Variants in MLXIPL observed in about 807,000 individuals in gnomAD.
The protein encoded by MLXIPL is carbohydrate-responsive element-binding protein.
A neutral mutation model predicts 81.5 loss-of-function variants in MLXIPL; 49 were observed. The observed-to-expected ratio is 0.60, with a 90% confidence interval of 0.48 to 0.76. MLXIPL has a LOEUF of 0.76. Among genes scored for constraint, MLXIPL ranks in the 30% least tolerant of loss-of-function variants. The pLI, the probability that MLXIPL is intolerant of heterozygous loss-of-function variation, is 0.00. For synonymous variants in MLXIPL, 466 were observed against 485.5 expected (o/e 0.96, Z 0.53); for missense variants, 1,053 against 1,167.0 (o/e 0.90, Z 1.42).
At chr7:73,630,107 C>G in the MLXIPL span, among the ~76,000 whole-genome samples, 1 of 151,724 alleles carries the variant, frequency 6.6e-6, no homozygotes, top group Non-Finnish European at 1.5e-5. Flanking sequence ...ACGCCATTCT[C>G]CTGCCTCAGC....
the MLXIPL span, among the ~76,000 whole-genome samples, chr7:73,640,173 G>A: frequency 6.6e-6 from 1 of 151,772 alleles, no homozygotes; most frequent in South Asian, 2.1e-4. Context: ...GGGAGGTGGA[G>A]GCAGAGTGAT....
chr7:73,607,161 AG>A, intron 4 of MLXIPL, 143 bp from the exon 5 acceptor site: 2 of 1,287,454 alleles, frequency 1.6e-6, no homozygotes, highest in Non-Finnish European at 2.2e-6. Flanking sequence ...GGAGGCCGCT[AG>A]GAGACGCTGT....
intron 8 of MLXIPL, among the ~76,000 whole-genome samples, chr7:73,598,092 A>C (rs1375188664): frequency 6.6e-6 from 1 of 151,802 alleles, no homozygotes; most frequent in African/African-American, 2.4e-5. Flanking sequence ...TTGTCCACTG[A>C]TCCATCCACC....
At chr7:73,626,944 C>A (rs1360306391), upstream of MLXIPL, among the ~76,000 whole-genome samples, 1 of 152,178 alleles carries the variant, frequency 6.6e-6, no homozygotes, top group Non-Finnish European at 1.5e-5. Context: ...CCTAGGATCA[C>A]AATGGCAGTG....
the MLXIPL span, among the ~76,000 whole-genome samples, chr7:73,638,608 AG>A: frequency 6.6e-6 from 1 of 151,692 alleles, no homozygotes; most frequent in South Asian, 2.1e-4. Context: ...TTCCCAACCC[AG>A]TACTTTTGTT....
the MLXIPL span, among the ~76,000 whole-genome samples, chr7:73,645,725 A>C: frequency 5.9e-5 from 9 of 152,104 alleles, no homozygotes; most frequent in Non-Finnish European, 1.3e-4. Context: ...AGCCCGGAGG[A>C]GGACAGGGCT....
chr7:73,605,172 C>A (rs1036868705), intron 7 of MLXIPL, among the ~76,000 whole-genome samples: 4 of 152,344 alleles, frequency 2.6e-5, no homozygotes, highest in Non-Finnish European at 5.9e-5. Context: ...TTCTTGGGAG[C>A]CCCTGGTTCC....
chr7:73,616,016 G>A, intron 2 of MLXIPL, 55 bp downstream of exon 2: 1 of 1,462,092 alleles, frequency 6.8e-7, no homozygotes, highest in East Asian at 2.3e-5. Context: ...CCTCTGGCAG[G>A]AGGGTTGGAG....
chr7:73,625,972 G>T (rs562074130), upstream of MLXIPL, among the ~76,000 whole-genome samples: 3 of 152,046 alleles, frequency 2.0e-5, no homozygotes, highest in African/African-American at 7.2e-5. Context: ...TTTTGTTCCT[G>T]CTTCTTTGTA....
chr7:73,594,117 G>C, intron 16 of MLXIPL, 134 bp from the exon 17 acceptor site: 1 of 1,383,400 alleles, frequency 7.2e-7, no homozygotes, highest in Non-Finnish European at 1.0e-6. Context: ...TCTGTCTACA[G>C]GCGTCTGGTG....
chr7:73,638,339 C>T, the MLXIPL span, among the ~76,000 whole-genome samples: 1 of 151,686 alleles, frequency 6.6e-6, no homozygotes, highest in Non-Finnish European at 1.5e-5. Context: ...GAATCTCACT[C>T]TGTCACCCAG....
chr7:73,645,168 A>G, the MLXIPL span, among the ~76,000 whole-genome samples: 1 of 152,100 alleles, frequency 6.6e-6, no homozygotes, highest in Non-Finnish European at 1.5e-5. Context: ...CTATGACTAT[A>G]TGCCTGTGCC....
chr7:73,637,890 G>T, the MLXIPL span, among the ~76,000 whole-genome samples: 2 of 152,208 alleles, frequency 1.3e-5, no homozygotes, highest in African/African-American at 4.8e-5. Flanking sequence ...GTCAGTGGGG[G>T]ATTCCCAAAT....
At chr7:73,646,721 C>T in the MLXIPL span, among the ~76,000 whole-genome samples, 1 of 152,156 alleles carries the variant, frequency 6.6e-6, no homozygotes, top group Non-Finnish European at 1.5e-5. Context: ...GCTGAGCTTC[C>T]CTGGGGCGGA....
At chr7:73,634,471 A>C in the MLXIPL span, among the ~76,000 whole-genome samples, 2 of 152,098 alleles carry the variant, frequency 1.3e-5, no homozygotes, top group Admixed American at 1.3e-4. Context: ...GGCTCACTGC[A>C]ACTGCCACCT....
chr7:73,646,167 C>A, the MLXIPL span, among the ~76,000 whole-genome samples: 1 of 152,178 alleles, frequency 6.6e-6, no homozygotes, highest in South Asian at 2.1e-4. Flanking sequence ...TTGCATTTAG[C>A]CACCACAGGG....
In MLXIPL at chr7:73,596,910, C is replaced by T. The variant is rs1303472871; in HGVS notation, c.1626G>A (p.Glu542=). ...GGAGGGTGCTGGATACAAGTGGTGG[C>T]TCCAGGGCTTGCTCCGGCTTAGCTG... ...LTAAKPEQAL[E]PPLVSSTLLR... is the part of the protein sequence containing the mutation. Residue 542 remains glutamate (E), a synonymous_variant, in exon 10 of 17, where the codon GAG becomes GAA. Transcript: ENST00000313375. This position sits in a 1 kb window ranked among gnomAD's most constrained non-coding sequence, Gnocchi z 4.7. 14 of 1,610,478 alleles carry T rather than the reference C, an allele frequency of 8.7e-6. No individual in the cohort carries two copies. The highest frequency in any genetic ancestry group is 1.1e-5 in the Non-Finnish European group (13 of 1,179,648).
At chr7:73,630,353 C>T in the MLXIPL span, among the ~76,000 whole-genome samples, 3 of 128,386 alleles carry the variant, frequency 2.3e-5, no homozygotes, top group Non-Finnish European at 4.6e-5. Flanking sequence ...AATGCAGTGG[C>T]ATGATCTTGG....
In MLXIPL at chr7:73,596,363, C is replaced by A; in HGVS notation, c.1938+1G>T. The A allele has an allele frequency of 6.2e-7, 1 of 1,612,934 alleles. No individual in the cohort carries two copies. Among genetic ancestry groups the A allele is most frequent in the Non-Finnish European group, 8.5e-7 (1 of 1,179,862 alleles). ...ATCTTGGGGTGGGGGATGGTGCCCA[C>A]CTTGTTGCTGTCTGGACGGCCCCGG... On this transcript the variant is annotated splice_donor_variant, in intron 12 of 16. Coordinates refer to ENST00000313375, the MANE Select transcript of MLXIPL (RefSeq NM_032951.3). LOFTEE classifies it high-confidence loss of function. The surrounding 1 kb of genome is among the most constrained non-coding windows in gnomAD (Gnocchi z 4.7).
Sources: allele counts gnomAD v4.1 joint callset (sites outside exome capture counted in the v4.1 genomes callset), GRCh38; gene constraint gnomAD v4.1.1; non-coding constraint Gnocchi (gnomAD v3.1); transcripts MANE v1.5; gene names NCBI Gene and HGNC (gene_info 2026-07-23, HGNC 2026-07-21).